The following GLCE variants were observed in gnomAD, a reference collection of about 807,000 sequenced individuals.
GLCE encodes D-glucuronyl C5-epimerase.
A neutral mutation model predicts 47.9 loss-of-function variants in GLCE; 19 were observed. The ratio of observed to expected loss-of-function variants is 0.40; its 90% CI spans 0.28 to 0.58. The LOEUF (loss-of-function observed/expected upper bound fraction) is 0.58, where lower values mean the gene tolerates loss of function less well. GLCE is among the 20% of genes least tolerant of loss of function. The probability of loss-of-function intolerance (pLI) is 0.48; values close to 1 mark genes in which losing one functional copy is unlikely to be tolerated. For synonymous variants in GLCE, 245 were observed against 263.4 expected (o/e 0.93, Z 0.68); for missense variants, 556 against 743.3 (o/e 0.75, Z 2.93).
chr15:69,199,773 C>T (rs183653708), intron 1 of GLCE, among the ~76,000 whole-genome samples: 29 of 152,262 alleles, frequency 1.9e-4, no homozygotes, highest in African/African-American at 6.5e-4. Context: ...TTATGCTTCT[C>T]TTATCCCCAG....
chr15:69,185,201 C>T (rs994974704), intron 1 of GLCE, among the ~76,000 whole-genome samples: 66 of 152,256 alleles, frequency 4.3e-4, no homozygotes, highest in African/African-American at 1.5e-3. Context: ...ATGTTCAGAG[C>T]TTTCTGTCAT....
At chr15:69,257,574 G>A (rs181974935) in intron 3 of GLCE, among the ~76,000 whole-genome samples, 1 of 152,196 alleles carries the variant, frequency 6.6e-6, no homozygotes, top group East Asian at 1.9e-4. Context: ...GAAACTCCTG[G>A]ACTCAAGCAG....
At chr15:69,234,427 A>G (rs1004229908) in intron 2 of GLCE, among the ~76,000 whole-genome samples, 1 of 152,142 alleles carries the variant, frequency 6.6e-6, no homozygotes, top group Non-Finnish European at 1.5e-5. Flanking sequence ...AAATATTTGT[A>G]ATTCAGGTTT....
At chr15:69,178,456 G>A (rs2051704170) in intron 1 of GLCE, among the ~76,000 whole-genome samples, 1 of 152,026 alleles carries the variant, frequency 6.6e-6, no homozygotes. Context: ...TTTCTCATCA[G>A]TAAAATGTGG....
chr15:69,256,538 C>CCTG, intron 3 of GLCE, 146 bp downstream of exon 3: 1 of 655,404 alleles, frequency 1.5e-6, no homozygotes. Flanking sequence ...CAGGTTAAGC[C>CCTG]TGAACCTAGG....
rs551396177 is a variant in GLCE at position 69,166,686 on chromosome 15, G to A, written c.-105+5929G>A. On this transcript the variant is annotated intron_variant, in intron 1 of 4. Transcript: ENST00000261858. ...TCTAATCCCAGCACTTTGGGAGGCC[G>A]AGGCGGGCGGATTACCTGAAGTCAG... Among the ~76,000 whole-genome samples the A allele has an allele frequency of 2.6e-5, 4 of 152,256 alleles. No individual in the cohort carries two copies. The South Asian group carries it at 6.2e-4, about 24-fold the overall frequency.
chr15:69,248,055 A>C (rs755160130), intron 2 of GLCE, among the ~76,000 whole-genome samples: 2 of 152,168 alleles, frequency 1.3e-5, no homozygotes, highest in Non-Finnish European at 1.5e-5. Context: ...ATACAATCTT[A>C]TTTGAAGTAT....
At chr15:69,217,743 T>G (rs560035142) in intron 2 of GLCE, among the ~76,000 whole-genome samples, 1 of 152,246 alleles carries the variant, frequency 6.6e-6, no homozygotes, top group South Asian at 2.1e-4. Flanking sequence ...ACTCAGACAC[T>G]TTGTTTCTTT....
At chr15:69,212,316 T>C (rs937161797) in intron 2 of GLCE, among the ~76,000 whole-genome samples, 1 of 152,032 alleles carries the variant, frequency 6.6e-6, no homozygotes, top group Non-Finnish European at 1.5e-5. Context: ...CTTTTTTTAA[T>C]TTCCCTGATT....
rs192696826 is a variant in GLCE at position 69,226,542 on chromosome 15, G to A, written c.-14+16136G>A. Among the ~76,000 whole-genome samples the A allele has an allele frequency of 7.2e-5, 11 of 152,220 alleles. No homozygotes were observed. In the East Asian group the frequency reaches 1.4e-3, roughly 19 times the overall value. On this transcript the variant is annotated intron_variant, in intron 2 of 4. Coordinates refer to ENST00000261858, the MANE Select transcript of GLCE (RefSeq NM_015554.3). ...TGCAAAACAGCATAGGAATAATGGA[G>A]TCTTAAGAGTAAAGCTCAGTTGCCA... is the stretch of plus-strand genomic sequence containing the variant.
At chr15:69,256,460 T>A in intron 3 of GLCE, 68 bp downstream of exon 3, 1 of 1,020,740 alleles carries the variant, frequency 9.8e-7, no homozygotes, top group Non-Finnish European at 1.5e-6. Context: ...AAAATGTTGT[T>A]AATTATACAT....
At chr15:69,241,128 A>C (rs998692401) in intron 2 of GLCE, among the ~76,000 whole-genome samples, 3 of 152,320 alleles carry the variant, frequency 2.0e-5, no homozygotes, top group Middle Eastern at 6.8e-3. Flanking sequence ...ACAAGAAAAC[A>C]TACAAGTTGT....
At chr15:69,245,729 T>C (rs921889318) in intron 2 of GLCE, among the ~76,000 whole-genome samples, 5 of 152,134 alleles carry the variant, frequency 3.3e-5, no homozygotes, top group African/African-American at 9.7e-5. Context: ...TTTCTTTTTC[T>C]TTTCTTTTTT....
intron 1 of GLCE, among the ~76,000 whole-genome samples, chr15:69,194,120 C>T (rs1430531868): frequency 6.6e-6 from 1 of 152,124 alleles, no homozygotes; most frequent in African/African-American, 2.4e-5. Context: ...CCCTAGAAAA[C>T]AGTTCCTCTC....
intron 2 of GLCE, among the ~76,000 whole-genome samples, chr15:69,239,007 A>G (rs999631670): frequency 1.3e-5 from 2 of 152,178 alleles, no homozygotes; most frequent in Non-Finnish European, 2.9e-5. Context: ...TAATTTGTAC[A>G]TTGAGAAACT....
chr15:69,179,461 C>A (rs1482432994), intron 1 of GLCE, among the ~76,000 whole-genome samples: 1 of 152,074 alleles, frequency 6.6e-6, no homozygotes, highest in Non-Finnish European at 1.5e-5. Flanking sequence ...CAGATTTCAC[C>A]AGTTTTACAG....
At chr15:69,238,056 A>G (rs1388620020) in intron 2 of GLCE, among the ~76,000 whole-genome samples, 1 of 152,242 alleles carries the variant, frequency 6.6e-6, no homozygotes, top group Non-Finnish European at 1.5e-5. Context: ...TTTTCTGGAT[A>G]CAAAGCATCT....
intron 2 of GLCE, among the ~76,000 whole-genome samples, chr15:69,248,001 A>G (rs948945706): frequency 2.6e-4 from 40 of 152,354 alleles, no homozygotes; most frequent in African/African-American, 7.0e-4. Flanking sequence ...GCATGTCCAT[A>G]TATATACCCG....
At chr15:69,197,935 A>G (rs938249879) in intron 1 of GLCE, among the ~76,000 whole-genome samples, 7 of 152,176 alleles carry the variant, frequency 4.6e-5, no homozygotes, top group Non-Finnish European at 1.0e-4. Context: ...TTGCTGCAGC[A>G]GTTTTCTTGA....
Sources: allele counts gnomAD v4.1 joint callset (sites outside exome capture counted in the v4.1 genomes callset), GRCh38; gene constraint gnomAD v4.1.1; transcripts MANE v1.5; gene names NCBI Gene and HGNC (gene_info 2026-07-23, HGNC 2026-07-21).